Variants in NBPF9 observed in about 807,000 individuals in gnomAD.
NBPF9 encodes NBPF member 9, also known as NBPF family member NBPF9.
Under a neutral mutation model 97.8 loss-of-function variants are expected in NBPF9, and 91 were observed. The ratio of observed to expected loss-of-function variants is 0.93; its 90% CI spans 0.79 to 1.11. NBPF9 has a LOEUF of 1.11. Among genes scored for constraint, NBPF9 ranks in the 50% least tolerant of loss-of-function variants. NBPF9 has a pLI of 0.00. For missense variants in NBPF9, 992 were observed against 939.5 expected (o/e 1.06, Z -0.73); for synonymous variants, 334 against 359.5 (o/e 0.93, Z 0.80).
chr1:149,063,969 A>T (rs2078830583), intron 19 of NBPF9, among the ~76,000 whole-genome samples, 164 bp from the exon 20 acceptor site: 2 of 136,300 alleles, frequency 1.5e-5, no homozygotes, highest in East Asian at 4.5e-4. Context: ...GACTAGGGCC[A>T]GGTAGAAAAG....
In NBPF9 at chr1:149,059,222, T is replaced by A. The variant is rs1313260532; in HGVS notation, c.2586-125A>T. ...AAAAAGGACAGATCCATTAATGAGGTAATGAATTATTGCCTTTAGGTTGGG... is the reference window on the plus strand; with the variant it reads ...AAAAAGGACAGATCCATTAATGAGGAAATGAATTATTGCCTTTAGGTTGGG... On this transcript the variant is annotated intron_variant, in intron 25 of 29. Transcript: ENST00000584027. 87 of 439,206 alleles carry A rather than the reference T, an allele frequency of 2.0e-4. 3 individuals are homozygous for A. In the East Asian group the frequency reaches 2.3e-3, roughly 12 times the overall value. 27.2% of individuals were successfully genotyped at this position (439,206 alleles called of 1,614,324 possible). A position where few individuals can be genotyped will look rare whatever the true frequency, so the allele number is the denominator to read the frequency against.
At chr1:149,062,417 T>C (rs1553650317) in intron 21 of NBPF9, among the ~76,000 whole-genome samples, 152 bp from the exon 22 acceptor site, 2 of 142,314 alleles carry the variant, frequency 1.4e-5, no homozygotes. Flanking sequence ...TAGGTTGGGA[T>C]AGACCAGGGT....
exon 7 of NBPF9, chr1:149,082,118 A>G (rs1473905642): frequency 6.2e-7 from 1 of 1,611,826 alleles, no homozygotes; most frequent in African/African-American, 1.3e-5. Flanking sequence ...TCGCTGGACC[A>G]AGGGCCGGCT....
intron 10 of NBPF9, 116 bp downstream of exon 10, chr1:149,077,767 T>C: frequency 7.0e-7 from 1 of 1,429,724 alleles, no homozygotes; most frequent in Non-Finnish European, 9.8e-7. Flanking sequence ...CAATTTCACA[T>C]ACTGTGGCCA....
intron 11 of NBPF9, among the ~76,000 whole-genome samples, chr1:149,076,295 T>C (rs1272028337): frequency 4.6e-5 from 7 of 151,200 alleles, no homozygotes; most frequent in Non-Finnish European, 7.4e-5. Context: ...CCGCCCGGGT[T>C]CAAGTGATTC....
At chr1:149,062,748 G>C (rs1375150850) in intron 21 of NBPF9, 114 bp downstream of exon 21, 6 of 769,140 alleles carry the variant, frequency 7.8e-6, no homozygotes, top group African/African-American at 1.7e-5. Flanking sequence ...AATGGCAGTA[G>C]GAGTAATTCA....
At chr1:149,078,936 T>G in intron 9 of NBPF9, 71 bp downstream of exon 9, 11 of 1,544,950 alleles carry the variant, frequency 7.1e-6, no homozygotes, top group Non-Finnish European at 8.9e-6. Flanking sequence ...ACTGTCATTG[T>G]GAAAGTATGG....
At chr1:149,062,220 C>T (rs782531688) in exon 22 of NBPF9, 2 of 988,146 alleles carry the variant, frequency 2.0e-6, no homozygotes, top group Non-Finnish European at 3.3e-6. Flanking sequence ...CCAGTGAGTC[C>T]TGCAAGACTT....
exon 7 of NBPF9, chr1:149,082,172 G>C: frequency 6.2e-7 from 1 of 1,611,964 alleles, no homozygotes. Context: ...GTGGGGCCAG[G>C]GACTGGGGAG....
At chr1:149,070,797 A>T in intron 16 of NBPF9, 137 bp downstream of exon 16, 1 of 1,493,314 alleles carries the variant, frequency 6.7e-7, no homozygotes, top group South Asian at 1.2e-5. Flanking sequence ...TGAGAAGGAC[A>T]AAAAACTCCC....
chr1:149,072,739 G>T, exon 14 of NBPF9: 1 of 1,611,600 alleles, frequency 6.2e-7, no homozygotes, highest in Non-Finnish European at 8.5e-7. Flanking sequence ...TTTTGGACAA[G>T]GTGCTGTGCC....
chr1:149,067,904 T>A (rs1259908416), intron 17 of NBPF9, among the ~76,000 whole-genome samples: 1 of 108,990 alleles, frequency 9.2e-6, no homozygotes, highest in Non-Finnish European at 1.9e-5. Context: ...CCACAATCGT[T>A]GAACTAGTTT....
At chr1:149,054,062 T>A (rs2078058311) in exon 30 of NBPF9, 1 of 150,520 alleles carries the variant, frequency 6.6e-6, no homozygotes. Context: ...TTAATTCGCA[T>A]CAGTACCCAC....
intron 20 of NBPF9, among the ~76,000 whole-genome samples, 198 bp downstream of exon 20, chr1:149,063,435 G>C (rs1230389876): frequency 7.0e-6 from 1 of 142,650 alleles, no homozygotes; most frequent in African/African-American, 2.6e-5. Context: ...CTGAGACTAG[G>C]AAGAGAGCCT....
rs1409990853 is a variant in NBPF9 at position 149,078,822 on chromosome 1, C to T, written c.493+185G>A. Among the ~76,000 whole-genome samples, 23 of 149,674 alleles carry T rather than the reference C, an allele frequency of 1.5e-4. 2 individuals are homozygous for T. The highest frequency in any genetic ancestry group is 2.7e-4 in the Admixed American group (4 of 15,046). Reference sequence around the variant, plus strand: ...CAAGGGAGGAGGGACACTTGCAATACTGTGACCTCCAAACCCATGGGTTTC... The same window carrying T: ...CAAGGGAGGAGGGACACTTGCAATATTGTGACCTCCAAACCCATGGGTTTC... On this transcript the variant is annotated intron_variant, in intron 9 of 29. Coordinates refer to ENST00000584027, the Ensembl canonical transcript of NBPF9.
At chr1:149,102,448 CCTTTAACCTCGTGAAGCA>C (rs2082205918) in intron 2 of NBPF9, among the ~76,000 whole-genome samples, 1 of 152,022 alleles carries the variant, frequency 6.6e-6, no homozygotes, top group East Asian at 1.9e-4. Context: ...GCAGATCTTT[CCTTTAACCTCGTGAAGCA>C]CTGGGATTCA....
chr1:149,058,114 G>C (rs76914482), intron 27 of NBPF9, 50 bp downstream of exon 27: 3 of 573,458 alleles, frequency 5.2e-6, no homozygotes, highest in Non-Finnish European at 9.1e-6. Flanking sequence ...CCTGAACCAG[G>C]AGTCTCCAGA....
At chr1:149,055,549 C>A (rs1218085523) in exon 30 of NBPF9, 13 of 1,566,854 alleles carry the variant, frequency 8.3e-6, no homozygotes, top group Middle Eastern at 4.8e-4. Flanking sequence ...GCCCACTGAC[C>A]CATCCTATGT....
At chr1:149,056,079 C>A (rs1553648892) in intron 29 of NBPF9, among the ~76,000 whole-genome samples, 180 bp from the exon 30 acceptor site, 1 of 151,112 alleles carries the variant, frequency 6.6e-6, no homozygotes, top group Admixed American at 6.6e-5. Context: ...AGGTAGAAAA[C>A]AATGAAAGAG....
Sources: allele counts gnomAD v4.1 joint callset (sites outside exome capture counted in the v4.1 genomes callset), GRCh38; gene constraint gnomAD v4.1.1; transcripts MANE v1.5; gene names NCBI Gene and HGNC (gene_info 2026-07-23, HGNC 2026-07-21).